The following ETFA variants were observed in gnomAD, a reference collection of about 807,000 sequenced individuals.
The protein encoded by ETFA is electron transfer flavoprotein subunit alpha, mitochondrial.
A neutral mutation model predicts 46.2 loss-of-function variants in ETFA; 22 were observed. The observed-to-expected ratio is 0.48, with a 90% confidence interval of 0.34 to 0.68. ETFA has a LOEUF of 0.68. ETFA is among the 30% of genes least tolerant of loss of function. ETFA has a pLI of 0.01. For synonymous variants in ETFA, 131 were observed against 139.9 expected, an observed-to-expected ratio of 0.94 and a Z score of 0.45; for missense variants, 345 against 401.1, an observed-to-expected ratio of 0.86 and a Z score of 1.19.
intron 9 of ETFA, chr15:76,260,790 G>C (rs773593426): frequency 7.5e-6 from 12 of 1,604,934 alleles, no homozygotes; most frequent in Non-Finnish European, 1.0e-5. Context: ...ATAAGGAGAG[G>C]GCCCCAAAGC....
chr15:76,266,542 A>C (rs1463644782), intron 9 of ETFA, among the ~76,000 whole-genome samples: 1 of 152,224 alleles, frequency 6.6e-6, no homozygotes, highest in Non-Finnish European at 1.5e-5. Flanking sequence ...CCCCCGATAA[A>C]ATCCAAACTT....
intron 11 of ETFA, among the ~76,000 whole-genome samples, chr15:76,221,365 T>A (rs1400298289): frequency 6.6e-6 from 1 of 152,234 alleles, no homozygotes; most frequent in East Asian, 1.9e-4. Flanking sequence ...GAGTGAATGC[T>A]GACAGGTATG....
intron 9 of ETFA, among the ~76,000 whole-genome samples, chr15:76,264,305 A>T (rs1399143479): frequency 1.3e-5 from 2 of 152,244 alleles, no homozygotes; most frequent in African/African-American, 4.8e-5. Flanking sequence ...GAGGAAGCTC[A>T]AACTCAGGCA....
intron 1 of ETFA, among the ~76,000 whole-genome samples, chr15:76,297,946 T>C (rs575519424): frequency 2.0e-5 from 3 of 152,322 alleles, no homozygotes; most frequent in Non-Finnish European, 4.4e-5. Flanking sequence ...ATAGCGGTTG[T>C]GTAGAACCTA....
chr15:76,309,175 C>T (rs2056251), intron 1 of ETFA, among the ~76,000 whole-genome samples: 88,402 of 152,110 alleles, frequency 0.58, 26,341 homozygotes, highest in Non-Finnish European at 0.66. Context: ...CTAGGCTGGG[C>T]GCGGTGGCTC....
chr15:76,227,652 T>A (rs2039017860), intron 10 of ETFA: 1 of 370,488 alleles, frequency 2.7e-6, no homozygotes, highest in African/African-American at 2.1e-5. Context: ...AGTATTATTT[T>A]AATAGATTGT....
At chr15:76,285,785 C>G (rs1467558722) in intron 6 of ETFA, 47 bp from the exon 7 acceptor site, 2 of 1,127,722 alleles carry the variant, frequency 1.8e-6, no homozygotes, top group Admixed American at 3.4e-5. Flanking sequence ...ATTTCAAGTT[C>G]TATAACAAGA....
chr15:76,306,293 GTC>G lies in ETFA; in HGVS notation c.39+5055_39+5056del, dbSNP rs529619528. ...TTTTTTTTTTTTTTTTTGAGACAGAGTCTCGCTCAGTCGCCCAGACTGCAGTG... is the reference window on the plus strand; with the variant it reads ...TTTTTTTTTTTTTTTTTGAGACAGAGTCGCTCAGTCGCCCAGACTGCAGTG... On this transcript the variant is annotated intron_variant, in intron 1 of 11. Transcript: ENST00000557943. Among the ~76,000 whole-genome samples the G allele has an allele frequency of 5.6e-4, 41 of 72,762 alleles. 1 individual carries two copies. In the South Asian group the frequency reaches 0.034, roughly 61 times the overall value. The allele number at this position is 72,762 out of a possible 152,430, so 47.7% of individuals were successfully genotyped here.
intron 8 of ETFA, among the ~76,000 whole-genome samples, chr15:76,277,036 G>A (rs917735986): frequency 2.6e-5 from 4 of 152,160 alleles, no homozygotes; most frequent in African/African-American, 7.2e-5. Flanking sequence ...AGGAAGTGCT[G>A]TCAATAAGCC....
chr15:76,260,644 G>A lies in ETFA; in HGVS notation c.816+13768C>T, dbSNP rs1377397052. The stretch of plus-strand genomic sequence containing the variant: ...ACCCAGGACAGTTTATAGGGTCCCA[G>A]GGGGCCTTCCAAAGGGCCCTCGGGG... On this transcript the variant is annotated intron_variant, in intron 9 of 11. Transcript: ENST00000557943. 2.6e-6 allele frequency: 4 copies of A among 1,546,838 alleles called. No individual in the cohort carries two copies. In the Admixed American group the frequency reaches 6.9e-5, roughly 27 times the overall value.
chr15:76,308,429 A>G (rs1214435703), intron 1 of ETFA, among the ~76,000 whole-genome samples: 1 of 152,248 alleles, frequency 6.6e-6, no homozygotes, highest in African/African-American at 2.4e-5. Context: ...AATGGGATAA[A>G]CCAACATTAA....
At chr15:76,278,046 G>T (rs1354892202) in intron 8 of ETFA, among the ~76,000 whole-genome samples, 2 of 152,132 alleles carry the variant, frequency 1.3e-5, no homozygotes, top group Non-Finnish European at 2.9e-5. Context: ...TTTACTTGTT[G>T]TTAGGACAGA....
chr15:76,281,442 TTGA>T, intron 8 of ETFA, among the ~76,000 whole-genome samples: 2 of 152,124 alleles, frequency 1.3e-5, no homozygotes, highest in African/African-American at 4.8e-5. Flanking sequence ...TTTTTTTTTT[TTGA>T]GACAGAGTCT....
At chr15:76,271,914 T>C (rs567988971) in intron 9 of ETFA, among the ~76,000 whole-genome samples, 63 of 148,822 alleles carry the variant, frequency 4.2e-4, no homozygotes, top group Non-Finnish European at 4.9e-4. Flanking sequence ...TGTGTGTATA[T>C]ACACACACAC....
chr15:76,292,719 T>C lies in ETFA; in HGVS notation c.187-19A>G. ...GTGCCACCTATGATTAAAAGATAAG[T>C]TCCTAATTATCCATCTATCAGAAAT... On this transcript the variant is annotated intron_variant, in intron 2 of 11. Coordinates refer to ENST00000557943, the MANE Select transcript of ETFA (RefSeq NM_000126.4). 1 of 1,517,096 alleles carries C rather than the reference T, an allele frequency of 6.6e-7. No homozygotes were observed. Among genetic ancestry groups the C allele is most frequent in the Non-Finnish European group, 9.2e-7 (1 of 1,091,538 alleles). 94.0% of individuals were successfully genotyped at this position (1,517,096 alleles called of 1,614,324 possible). A position where few individuals can be genotyped will look rare whatever the true frequency, so the allele number is the denominator to read the frequency against.
chr15:76,260,787 G>C (rs1351666816), intron 9 of ETFA: 1 of 1,604,980 alleles, frequency 6.2e-7, no homozygotes, highest in Non-Finnish European at 8.5e-7. Context: ...AGCATAAGGA[G>C]AGGGCCCCAA....
At chr15:76,304,345 T>C (rs906672284) in intron 1 of ETFA, among the ~76,000 whole-genome samples, 1 of 152,112 alleles carries the variant, frequency 6.6e-6, no homozygotes, top group African/African-American at 2.4e-5. Flanking sequence ...GGATGCTATG[T>C]TCATTACCTG....
At chr15:76,226,197 T>C (rs940505680) in intron 10 of ETFA, 2 of 351,848 alleles carry the variant, frequency 5.7e-6, no homozygotes, top group South Asian at 7.3e-5. Context: ...ACAAAAAAAA[T>C]ATTTGATTTT....
chr15:76,300,971 T>C (rs2039874265), intron 1 of ETFA, among the ~76,000 whole-genome samples: 1 of 152,114 alleles, frequency 6.6e-6, no homozygotes, highest in South Asian at 2.1e-4. Flanking sequence ...AGTGGTAGAG[T>C]ACAGGCTTTG....
Sources: allele counts gnomAD v4.1 joint callset (sites outside exome capture counted in the v4.1 genomes callset), GRCh38; gene constraint gnomAD v4.1.1; transcripts MANE v1.5; gene names NCBI Gene and HGNC (gene_info 2026-07-23, HGNC 2026-07-21).